Variants in DOCK1 observed in about 807,000 individuals in gnomAD.
The protein encoded by DOCK1 is dedicator of cytokinesis 1, also known as dedicator of cytokinesis protein 1.
In DOCK1, 138 loss-of-function variants were observed where a neutral mutation model predicts 262.7. That is an observed-to-expected ratio of 0.53 (90% CI 0.46 to 0.61). The LOEUF (loss-of-function observed/expected upper bound fraction) is 0.61, where lower values mean the gene tolerates loss of function less well. Ranked by LOEUF, DOCK1 falls within the 20% of genes least tolerant of loss-of-function variation. The pLI is 0.00. For missense variants in DOCK1, 1,908 were observed against 2,370.7 expected (o/e 0.80, Z 4.05); for synonymous variants, 866 against 867.4 (o/e 1.00, Z 0.03).
At chr10:127,061,174 G>A (rs58010571) in intron 22 of DOCK1, among the ~76,000 whole-genome samples, 6,549 of 152,210 alleles carry the variant, frequency 0.043, 473 homozygotes, top group African/African-American at 0.15. Flanking sequence ...GTTGCAGTGA[G>A]CCGAGATCAT....
chr10:127,210,266 A>G (rs753753139), intron 27 of DOCK1, among the ~76,000 whole-genome samples: 4 of 152,174 alleles, frequency 2.6e-5, no homozygotes, highest in African/African-American at 4.8e-5. Flanking sequence ...GCGGTGCCAC[A>G]TAAGGTGGCC....
intron 29 of DOCK1, among the ~76,000 whole-genome samples, chr10:127,304,433 T>C (rs192034337): frequency 6.6e-6 from 1 of 152,362 alleles, no homozygotes; most frequent in Admixed American, 6.5e-5. Flanking sequence ...TCAGCCCTTT[T>C]CCTGAAGTTT....
intron 47 of DOCK1, among the ~76,000 whole-genome samples, chr10:127,427,907 A>C (rs1319544910): frequency 6.6e-6 from 1 of 152,184 alleles, no homozygotes; most frequent in Non-Finnish European, 1.5e-5. Flanking sequence ...ACATAACACA[A>C]CTGCTGCTCT....
chr10:127,391,754 T>G (rs1167600664), intron 38 of DOCK1, among the ~76,000 whole-genome samples: 1 of 152,134 alleles, frequency 6.6e-6, no homozygotes, highest in Non-Finnish European at 1.5e-5. Flanking sequence ...TGTCTCCTTG[T>G]AAGCTCTCGG....
At chr10:127,428,125 T>A (rs2134573149) in intron 47 of DOCK1, among the ~76,000 whole-genome samples, 1 of 152,328 alleles carries the variant, frequency 6.6e-6, no homozygotes, top group Non-Finnish European at 1.5e-5. Flanking sequence ...CGTTTCGGAG[T>A]GCGTCACATC....
chr10:127,005,438 C>G (rs756349719), intron 10 of DOCK1, among the ~76,000 whole-genome samples: 5 of 152,200 alleles, frequency 3.3e-5, no homozygotes, highest in Admixed American at 6.5e-5. Flanking sequence ...TTTCCACATG[C>G]AAATTTAATT....
intron 38 of DOCK1, among the ~76,000 whole-genome samples, chr10:127,387,215 G>C (rs946125415): frequency 9.2e-5 from 14 of 152,218 alleles, no homozygotes; most frequent in African/African-American, 3.4e-4. Flanking sequence ...TCCCTCCCTT[G>C]CCCTCTGCAT....
chr10:126,987,384 A>C, intron 4 of DOCK1, 137 bp from the exon 5 acceptor site: 1 of 631,348 alleles, frequency 1.6e-6, no homozygotes, highest in Non-Finnish European at 2.8e-6. Context: ...ATATGTGTGC[A>C]TGCAGTCTTA....
Position 127,201,665 on chromosome 10 carries a change from C to T in DOCK1, c.2848-46343C>T, listed in dbSNP as rs527907126. Among the ~76,000 whole-genome samples, 8 of 152,218 alleles carry T rather than the reference C, an allele frequency of 5.3e-5. No homozygotes were observed. In the East Asian group the frequency reaches 5.8e-4, roughly 11 times the overall value. ...ATGTATGGGAATAAGGAAGAGCAGG[C>T]GTGCACTCTGGCTCTCCCCTCTCCC... On this transcript the variant is annotated intron_variant, in intron 27 of 51. Transcript: ENST00000623213.
chr10:127,238,226 A>G (rs1342093218), intron 27 of DOCK1, among the ~76,000 whole-genome samples: 1 of 152,174 alleles, frequency 6.6e-6, no homozygotes, highest in Non-Finnish European at 1.5e-5. Context: ...AATGCTGTAT[A>G]CTCTGAATCT....
intron 27 of DOCK1, among the ~76,000 whole-genome samples, chr10:127,169,041 C>G (rs1480815682): frequency 2.6e-5 from 4 of 152,198 alleles, no homozygotes; most frequent in Non-Finnish European, 5.9e-5. Flanking sequence ...TTCTACCCAT[C>G]TAGCATCAAT....
At chr10:126,919,694 C>T (rs1017776138) in intron 1 of DOCK1, among the ~76,000 whole-genome samples, 25 of 152,216 alleles carry the variant, frequency 1.6e-4, no homozygotes, top group Non-Finnish European at 3.2e-4. Flanking sequence ...GGATGACCCC[C>T]CGATCCCGCG....
intron 1 of DOCK1, among the ~76,000 whole-genome samples, chr10:126,948,997 G>A (rs2035912846): frequency 1.3e-5 from 2 of 152,098 alleles, no homozygotes; most frequent in East Asian, 3.9e-4. Flanking sequence ...CCTGGACCCT[G>A]TTCCCTTTGT....
At chr10:127,301,744 G>A (rs997692371) in intron 29 of DOCK1, among the ~76,000 whole-genome samples, 7 of 152,006 alleles carry the variant, frequency 4.6e-5, no homozygotes, top group Admixed American at 2.6e-4. Flanking sequence ...TCAGGAGTTC[G>A]AGACCAGCCT....
intron 1 of DOCK1, among the ~76,000 whole-genome samples, chr10:126,966,313 T>C (rs2037674538): frequency 6.6e-6 from 1 of 152,246 alleles, no homozygotes; most frequent in African/African-American, 2.4e-5. Context: ...GTGGGACACC[T>C]AGGTTGACTG....
chr10:127,278,402 A>G (rs893748126), intron 29 of DOCK1, among the ~76,000 whole-genome samples: 13 of 152,178 alleles, frequency 8.5e-5, no homozygotes, highest in African/African-American at 3.1e-4. Context: ...ACTAAGTTTT[A>G]TTAAGATCTG....
At position 127,278,295 on chromosome 10, in the gene DOCK1, C is replaced by T. The variant is rs79495452; in HGVS notation, c.3044+20866C>T. On this transcript the variant is annotated intron_variant, in intron 29 of 51. Transcript: ENST00000623213. ...GTAGATCTTTCCCCAGCCAAGAGAC[C>T]GTTAGCATGCGGTACAGTAAGGCAG... 0.013 allele frequency among the ~76,000 whole-genome samples: 1,274 copies of T among 98,466 alleles called. 28 individuals are homozygous for T. In the East Asian group the frequency reaches 0.14, roughly 11 times the overall value. 64.6% of individuals were successfully genotyped at this position (98,466 alleles called of 152,430 possible). A position where few individuals can be genotyped will look rare whatever the true frequency, so the allele number is the denominator to read the frequency against.
intron 10 of DOCK1, among the ~76,000 whole-genome samples, chr10:127,005,622 C>G (rs1313321886): frequency 6.6e-6 from 1 of 151,894 alleles, no homozygotes. Context: ...CTATCTTTTT[C>G]TAAAAGATAG....
intron 27 of DOCK1, among the ~76,000 whole-genome samples, chr10:127,213,569 T>G (rs1315583849): frequency 1.3e-5 from 2 of 152,260 alleles, no homozygotes; most frequent in South Asian, 2.1e-4. Flanking sequence ...AATGTTTCCC[T>G]ATAGCAGTGC....
Sources: gnomAD v4.1 joint callset for allele counts (sites outside exome capture counted in the v4.1 genomes callset) on GRCh38, gnomAD v4.1.1 for gene constraint, MANE v1.5 for transcripts, NCBI Gene and HGNC (gene_info 2026-07-23, HGNC 2026-07-21) for gene names.